COA1: variants seen among roughly 807,000 people sequenced by gnomAD.
The protein encoded by COA1 is cytochrome c oxidase assembly factor 1.
A neutral mutation model predicts 16.0 loss-of-function variants in COA1; 13 were observed. The observed-to-expected ratio is 0.81, with a 90% CI of 0.53 to 1.29. The LOEUF (loss-of-function observed/expected upper bound fraction) is 1.29, where lower values mean the gene tolerates loss of function less well. COA1 is among the 50% of genes most tolerant of loss of function. The probability of loss-of-function intolerance (pLI) is 0.00; values close to 1 mark genes in which losing one functional copy is unlikely to be tolerated. For missense variants in COA1, 179 were observed against 177.0 expected, an observed-to-expected ratio of 1.01 and a Z score of -0.06; for synonymous variants, 65 against 65.7, an observed-to-expected ratio of 0.99 and a Z score of 0.05.
At chr7:43,620,105 C>T (rs79659153) in intron 6 of COA1, among the ~76,000 whole-genome samples, 2 of 152,234 alleles carry the variant, frequency 1.3e-5, no homozygotes, top group South Asian at 2.1e-4. Flanking sequence ...GTCTGAGGCT[C>T]CATAGAAGTG....
chr7:43,622,953 T>C (rs1330970374), intron 6 of COA1: 1 of 152,458 alleles, frequency 6.6e-6, no homozygotes, highest in African/African-American at 2.4e-5. Context: ...CCTCCTGCCT[T>C]GGCCTTGCAA....
At chr7:43,645,507 T>C (rs1332963155) in intron 3 of COA1, 108 bp from the exon 4 acceptor site, 1 of 985,086 alleles carries the variant, frequency 1.0e-6, no homozygotes, top group East Asian at 2.5e-5. Context: ...AACAGAAACG[T>C]GAAATCTGTG....
chr7:43,691,342 AGGGAGGGAGGG>A (rs2094316528), intron 1 of COA1, among the ~76,000 whole-genome samples: 1 of 13,602 alleles, frequency 7.4e-5, no homozygotes, highest in African/African-American at 3.1e-4. Context: ...AAAGAGAGAG[AGGGAGGGAGGG>A]AGGGAGGGAG....
intron 1 of COA1, among the ~76,000 whole-genome samples, chr7:43,694,087 T>C (rs936481295): frequency 1.3e-4 from 20 of 150,030 alleles, no homozygotes; most frequent in African/African-American, 4.7e-4. Flanking sequence ...TTTGCCTCTA[T>C]GGATGCATGC....
intron 1 of COA1, among the ~76,000 whole-genome samples, chr7:43,654,525 A>G (rs1463323844): frequency 1.3e-5 from 2 of 152,238 alleles, no homozygotes; most frequent in African/African-American, 4.8e-5. Flanking sequence ...CTCACAAACT[A>G]GAATTAACAT....
intron 1 of COA1, among the ~76,000 whole-genome samples, chr7:43,720,539 G>T (rs1432426112): frequency 6.6e-6 from 1 of 152,068 alleles, no homozygotes; most frequent in Non-Finnish European, 1.5e-5. Context: ...AATGGCTGCT[G>T]TGTGAAAAAT....
At chr7:43,620,824 CAG>C (rs964983349) in intron 6 of COA1, among the ~76,000 whole-genome samples, 23 of 152,256 alleles carry the variant, frequency 1.5e-4, no homozygotes, top group African/African-American at 5.3e-4. Flanking sequence ...TCATGGACAT[CAG>C]TGTGGAAGTC....
At chr7:43,619,795 A>T in intron 6 of COA1, 1 of 1,554,990 alleles carries the variant, frequency 6.4e-7, no homozygotes, top group Non-Finnish European at 8.7e-7. Context: ...TCCATGTGGC[A>T]TGACTCATAG....
intron 1 of COA1, among the ~76,000 whole-genome samples, chr7:43,709,981 TG>T (rs2095160503): frequency 6.6e-6 from 1 of 151,960 alleles, no homozygotes; most frequent in African/African-American, 2.4e-5. Flanking sequence ...AACTCACACA[TG>T]AAAATGTTAA....
chr7:43,630,343 A>C (rs939952722), intron 6 of COA1, among the ~76,000 whole-genome samples: 4 of 152,136 alleles, frequency 2.6e-5, no homozygotes, highest in African/African-American at 9.7e-5. Context: ...TTATTTACTA[A>C]AAATAAAACT....
At chr7:43,650,856 CGAAA>C (rs1584422032) in intron 1 of COA1, 2 of 151,836 alleles carry the variant, frequency 1.3e-5, no homozygotes, top group East Asian at 3.9e-4. Context: ...TACAAGCAGC[CGAAA>C]GAGTGAGGAC....
intron 1 of COA1, 100 bp from the exon 2 acceptor site, chr7:43,648,752 C>T: frequency 1.2e-6 from 1 of 817,768 alleles, no homozygotes; most frequent in South Asian, 1.9e-5. Flanking sequence ...AGCTTTAGAA[C>T]ACGAACAAGA....
intron 6 of COA1, chr7:43,632,188 A>G (rs1010525765): frequency 1.3e-4 from 21 of 167,352 alleles, no homozygotes; most frequent in Non-Finnish European, 1.5e-4. Flanking sequence ...TGTTCATAGC[A>G]TCTTCACCAG....
At chr7:43,729,205 C>G (rs1454385491) in intron 1 of COA1, among the ~76,000 whole-genome samples, 4 of 152,236 alleles carry the variant, frequency 2.6e-5, no homozygotes, top group African/African-American at 9.6e-5. Flanking sequence ...CTCGACACAG[C>G]CTCCTAACTC....
At chr7:43,689,222 C>T (rs1382316328) in intron 1 of COA1, among the ~76,000 whole-genome samples, 1 of 152,214 alleles carries the variant, frequency 6.6e-6, no homozygotes, top group Non-Finnish European at 1.5e-5. Context: ...CTGCCTTAAG[C>T]ATGGAAAGAG....
intron 1 of COA1, among the ~76,000 whole-genome samples, chr7:43,662,753 TA>T (rs924819407): frequency 2.0e-5 from 3 of 152,356 alleles, no homozygotes; most frequent in African/African-American, 7.2e-5. Context: ...TTCTCAGTTT[TA>T]ATTTCTAATA....
intron 6 of COA1, among the ~76,000 whole-genome samples, chr7:43,611,469 C>T (rs926939814): frequency 2.0e-5 from 3 of 152,192 alleles, no homozygotes; most frequent in Non-Finnish European, 2.9e-5. Context: ...CACACCCACA[C>T]GCTGAGGTGG....
chr7:43,702,921 G>C (rs1375292038), intron 1 of COA1, among the ~76,000 whole-genome samples: 1 of 152,082 alleles, frequency 6.6e-6, no homozygotes, highest in Non-Finnish European at 1.5e-5. Flanking sequence ...TTTTTCTAGA[G>C]TTCCTCTAGG....
At chr7:43,691,422 A>G (rs1470423963) in intron 1 of COA1, among the ~76,000 whole-genome samples, 115 of 19,876 alleles carry the variant, frequency 5.8e-3, no homozygotes, top group African/African-American at 0.016. Flanking sequence ...GAAGAAAGAA[A>G]AAGAAAGAAA....
Sources: gnomAD v4.1 joint callset for allele counts (sites outside exome capture counted in the v4.1 genomes callset) on GRCh38, gnomAD v4.1.1 for gene constraint, MANE v1.5 for transcripts, NCBI Gene and HGNC (gene_info 2026-07-23, HGNC 2026-07-21) for gene names.